GAREM1: variants seen among roughly 807,000 people sequenced by gnomAD.
The protein encoded by GAREM1 is GRB2-associated and regulator of MAPK protein 1.
Under a neutral mutation model 71.3 loss-of-function variants are expected in GAREM1, and 26 were observed. That is an observed-to-expected ratio of 0.36 (90% CI 0.27 to 0.51). The LOEUF is 0.51. Among genes scored for constraint, GAREM1 ranks in the 20% least tolerant of loss-of-function variants. GAREM1 has a pLI of 0.95. For synonymous variants in GAREM1, 440 were observed against 433.2 expected (o/e 1.02, Z -0.20); for missense variants, 1,026 against 1,103.1 (o/e 0.93, Z 0.99).
intron 3 of GAREM1, among the ~76,000 whole-genome samples, chr18:32,304,955 G>A (rs946428472): frequency 2.0e-5 from 3 of 152,126 alleles, no homozygotes; most frequent in Non-Finnish European, 4.4e-5. Flanking sequence ...AACTCAGAAA[G>A]AGGACATCTT....
chr18:32,325,108 GCCA>G (rs1478508824), intron 2 of GAREM1, among the ~76,000 whole-genome samples: 1 of 152,026 alleles, frequency 6.6e-6, no homozygotes, highest in African/African-American at 2.4e-5. Context: ...ACAGCCATGC[GCCA>G]CCATGCCCAG....
intron 1 of GAREM1, among the ~76,000 whole-genome samples, chr18:32,438,435 C>T (rs1044144284): frequency 6.6e-6 from 1 of 152,192 alleles, no homozygotes; most frequent in African/African-American, 2.4e-5. Context: ...CCCTTCTGCC[C>T]TAGAGGCAGC....
At position 32,287,520 on chromosome 18, in the gene GAREM1, C is replaced by A; in HGVS notation, c.1077G>T (p.Lys359Asn). 1 of 1,614,212 alleles carries A rather than the reference C, an allele frequency of 6.2e-7. No individual in the cohort carries two copies. Among genetic ancestry groups the A allele is most frequent in the Non-Finnish European group, 8.5e-7 (1 of 1,180,034 alleles). Residue 359 changes from lysine to asparagine, a missense_variant, in exon 4 of 6, where the codon AAG becomes AAT. Transcript: ENST00000269209. This position sits in a 1 kb window ranked among gnomAD's most constrained non-coding sequence, Gnocchi z 5.9. ...CGTGGTTGTGGCCAGAGCACCGACC[C>A]TTCTTGGGGCTCTTGCATTCTTCAT... ...DWNEECKSPKKGRCSGHNHVP... is the reference protein window; with the variant it reads ...DWNEECKSPKNGRCSGHNHVP...
chr18:32,443,079 G>A (rs537037851), intron 1 of GAREM1, among the ~76,000 whole-genome samples: 33 of 152,022 alleles, frequency 2.2e-4, no homozygotes, highest in Non-Finnish European at 3.4e-4. Flanking sequence ...GAAACACACC[G>A]AAGATAAAAC....
chr18:32,308,234 A>G (rs1454566541), intron 3 of GAREM1, among the ~76,000 whole-genome samples: 2 of 151,052 alleles, frequency 1.3e-5, no homozygotes, highest in African/African-American at 4.9e-5. Context: ...AACACATTTT[A>G]ATGAATACAT....
intron 2 of GAREM1, among the ~76,000 whole-genome samples, chr18:32,392,187 G>T (rs920373094): frequency 6.6e-6 from 1 of 150,874 alleles, no homozygotes; most frequent in Non-Finnish European, 1.5e-5. Context: ...GCCGGAAAAA[G>T]CATATGGTAA....
intron 1 of GAREM1, among the ~76,000 whole-genome samples, chr18:32,439,280 G>A (rs1258428569): frequency 6.6e-6 from 1 of 152,100 alleles, no homozygotes; most frequent in Non-Finnish European, 1.5e-5. Flanking sequence ...ATAGAGAAAA[G>A]AAAGAAGAGT....
intron 1 of GAREM1, among the ~76,000 whole-genome samples, chr18:32,469,054 C>T (rs1314226366): frequency 6.7e-6 from 1 of 150,366 alleles, no homozygotes; most frequent in Non-Finnish European, 1.5e-5. Context: ...CCCAATGCAC[C>T]CTACTACTAC....
At chr18:32,463,568 CTTTTT>C (rs138799660) in intron 1 of GAREM1, among the ~76,000 whole-genome samples, 1 of 131,716 alleles carries the variant, frequency 7.6e-6, no homozygotes. Flanking sequence ...TTTTAAATCA[CTTTTT>C]TTTTTTTTTT....
At chr18:32,364,013 TATATATATATATATG>T (rs200994515) in intron 2 of GAREM1, among the ~76,000 whole-genome samples, 3,985 of 67,784 alleles carry the variant, frequency 0.059, 252 homozygotes, top group African/African-American at 0.098. Flanking sequence ...TATATATATA[TATATATATATATATG>T]TTTTTTTTTT....
At chr18:32,338,029 C>T (rs2047615178) in intron 2 of GAREM1, among the ~76,000 whole-genome samples, 1 of 152,148 alleles carries the variant, frequency 6.6e-6, no homozygotes, top group African/African-American at 2.4e-5. Flanking sequence ...AGGCATGGGG[C>T]AGCGAGGAGG....
intron 5 of GAREM1, 89 bp downstream of exon 5, chr18:32,270,128 G>T: frequency 1.5e-6 from 2 of 1,347,174 alleles, no homozygotes; most frequent in Non-Finnish European, 2.1e-6. Flanking sequence ...CACCCTGCCT[G>T]TTAGGGCTAC....
chr18:32,425,369 C>A (rs1403969443), intron 1 of GAREM1, among the ~76,000 whole-genome samples: 1 of 152,034 alleles, frequency 6.6e-6, no homozygotes, highest in Non-Finnish European at 1.5e-5. Flanking sequence ...AAATTGTTAT[C>A]TTTTGAGGTA....
At chr18:32,306,183 A>G (rs770421752) in intron 3 of GAREM1, among the ~76,000 whole-genome samples, 1 of 152,162 alleles carries the variant, frequency 6.6e-6, no homozygotes, top group Non-Finnish European at 1.5e-5. Context: ...TAATTCAATT[A>G]CTAAGTAGCA....
At chr18:32,356,572 A>G (rs543638552) in intron 2 of GAREM1, among the ~76,000 whole-genome samples, 9 of 152,078 alleles carry the variant, frequency 5.9e-5, no homozygotes, top group African/African-American at 1.7e-4. Context: ...AACAACTACT[A>G]CTCCCATCAC....
intron 3 of GAREM1, among the ~76,000 whole-genome samples, chr18:32,309,511 G>A (rs2047291927): frequency 7.6e-6 from 1 of 131,644 alleles, no homozygotes; most frequent in South Asian, 2.4e-4. Context: ...AGCTGCTGGG[G>A]AGACTGAAGC....
At position 32,464,042 on chromosome 18, in the gene GAREM1, C is replaced by G. The variant is rs182891595; in HGVS notation, c.121+6266G>C. On this transcript the variant is annotated intron_variant, in intron 1 of 5. Coordinates refer to ENST00000269209, the MANE Select transcript of GAREM1 (RefSeq NM_001242409.2). ...GTGGCTCATGCCTGTAATCCCAGCA[C>G]TTTGAGAGGCCAAGGCAGGCAGATG... Among the ~76,000 whole-genome samples, 492 of 147,290 alleles carry G rather than the reference C, an allele frequency of 3.3e-3. 2 individuals are homozygous for G. Among genetic ancestry groups the G allele is most frequent in the Admixed American group, 7.0e-3 (104 of 14,886 alleles).
At chr18:32,407,133 C>T (rs1439040790) in intron 1 of GAREM1, among the ~76,000 whole-genome samples, 1 of 152,224 alleles carries the variant, frequency 6.6e-6, no homozygotes, top group East Asian at 1.9e-4. Context: ...CAACAATCCG[C>T]CCATTACTGG....
At chr18:32,469,889 G>A (rs2049032687) in intron 1 of GAREM1, among the ~76,000 whole-genome samples, 2 of 152,102 alleles carry the variant, frequency 1.3e-5, no homozygotes, top group African/African-American at 4.8e-5. Context: ...GCGGGGGATG[G>A]GGGAGATAGG....
Sources: allele counts gnomAD v4.1 joint callset (sites outside exome capture counted in the v4.1 genomes callset), GRCh38; gene constraint gnomAD v4.1.1; non-coding constraint Gnocchi (gnomAD v3.1); transcripts MANE v1.5; gene names NCBI Gene and HGNC (gene_info 2026-07-23, HGNC 2026-07-21).